The following PRRG1 variants were observed in gnomAD, a reference collection of about 807,000 sequenced individuals.
The protein encoded by PRRG1 is transmembrane gamma-carboxyglutamic acid protein 1.
A neutral mutation model predicts 11.8 loss-of-function variants in PRRG1; 5 were observed. The ratio of observed to expected loss-of-function variants is 0.42; its 90% confidence interval spans 0.22 to 0.89. The LOEUF (loss-of-function observed/expected upper bound fraction) is 0.89, where lower values mean the gene tolerates loss of function less well. PRRG1 is among the 40% of genes least tolerant of loss of function. The probability of loss-of-function intolerance (pLI) is 0.28; values close to 1 mark genes in which losing one functional copy is unlikely to be tolerated. For synonymous variants in PRRG1, 66 were observed against 60.4 expected (o/e 1.09, Z -0.43); for missense variants, 155 against 166.1 (o/e 0.93, Z 0.37).
rs1433682172 is a variant in PRRG1 at position 37,456,647 on chromosome X, C to T, written c.*3026C>T. The T allele has an allele frequency of 9.0e-6, 1 of 111,541 alleles. No individual in the cohort carries two copies. Among genetic ancestry groups the T allele is most frequent in the Non-Finnish European group, 1.9e-5 (1 of 53,045 alleles). 9.2% of individuals were successfully genotyped at this position (111,541 alleles called of 1,213,427 possible). A position where few individuals can be genotyped will look rare whatever the true frequency, so the allele number is the denominator to read the frequency against. ...TTTGGCTTTTATATTTTTTAAAATC[C>T]CTTTTGCTACCCCATCTGGTTTTAT... On this transcript the variant is annotated 3_prime_UTR_variant, in exon 4 of 4. Coordinates refer to ENST00000378628, the MANE Select transcript of PRRG1 (RefSeq NM_001142395.2).
Position 37,453,353 on chromosome X carries a change from C to T in PRRG1, c.389C>T (p.Thr130Ile). Residue 130 changes from threonine to isoleucine, a missense_variant, in exon 4 of 4, where the codon ACC (threonine) becomes ATC (isoleucine). Thr to Ile is a moderately conservative substitution (Grantham distance 89). Coordinates refer to ENST00000378628, the MANE Select transcript of PRRG1 (RefSeq NM_001142395.2). The stretch of plus-strand genomic sequence containing the variant: ...TTCCCTCAGCACCTTAATATTATCA[C>T]CCCACCCCCCCCACCAGATGAAGTG... ...IPFPQHLNII[T>I]PPPPPDEVFD... The T allele has an allele frequency of 8.3e-7, 1 of 1,206,917 alleles. No homozygotes were observed. Among genetic ancestry groups the T allele is most frequent in the Non-Finnish European group, 1.1e-6 (1 of 892,746 alleles).
chrX:37,445,543 A>G (rs1014771488), intron 3 of PRRG1, among the ~76,000 whole-genome samples: 3 of 112,339 alleles, frequency 2.7e-5, no homozygotes, highest in African/African-American at 9.7e-5. Flanking sequence ...AACTTAAACA[A>G]CTTACTCGAT....
At chrX:37,350,229 T>C (rs1412599292) in intron 1 of PRRG1, among the ~76,000 whole-genome samples, 1 of 112,236 alleles carries the variant, frequency 8.9e-6, no homozygotes, top group Non-Finnish European at 1.9e-5. Context: ...CCACTGGTTT[T>C]TGTGATTGTG....
At chrX:37,409,638 C>T (rs1348550192) in intron 2 of PRRG1, among the ~76,000 whole-genome samples, 2 of 112,143 alleles carry the variant, frequency 1.8e-5, no homozygotes, top group African/African-American at 6.5e-5. Flanking sequence ...CTTAGTTTGC[C>T]TGATTACATT....
intron 3 of PRRG1, among the ~76,000 whole-genome samples, chrX:37,436,005 T>C (rs1556391867): frequency 8.9e-6 from 1 of 112,125 alleles, no homozygotes; most frequent in Non-Finnish European, 1.9e-5. Context: ...TTTCTGTAAA[T>C]TTAAAATTAT....
At chrX:37,399,909 ATCAAT>A (rs1569442444) in intron 1 of PRRG1, among the ~76,000 whole-genome samples, 1 of 111,045 alleles carries the variant, frequency 9.0e-6, no homozygotes, top group African/African-American at 3.3e-5. Context: ...TGGTAAAAGG[ATCAAT>A]TCAACAAGAA....
chrX:37,370,976 G>A (rs1217026795), intron 1 of PRRG1, among the ~76,000 whole-genome samples: 6 of 111,385 alleles, frequency 5.4e-5, no homozygotes, highest in Admixed American at 2.8e-4. Flanking sequence ...CATGAACAGC[G>A]GCAGGAGGCA....
intron 1 of PRRG1, among the ~76,000 whole-genome samples, chrX:37,395,853 C>T (rs1414156795): frequency 9.0e-6 from 1 of 111,382 alleles, no homozygotes; most frequent in Non-Finnish European, 1.9e-5. Context: ...AAGAGCCTAA[C>T]ATTTTCCCTA....
chrX:37,434,428 A>G (rs1361772785), intron 3 of PRRG1, among the ~76,000 whole-genome samples: 1 of 112,057 alleles, frequency 8.9e-6, no homozygotes, highest in Non-Finnish European at 1.9e-5. Flanking sequence ...CAGCAGACAT[A>G]TGCACAAAGG....
Position 37,414,190 on chromosome X carries a change from C to T in PRRG1, c.10+7931C>T, listed in dbSNP as rs1932427980. On this transcript the variant is annotated intron_variant, in intron 2 of 3. Coordinates refer to ENST00000378628, the MANE Select transcript of PRRG1 (RefSeq NM_001142395.2). Reference sequence around the variant, plus strand: ...GAGGTGTTTGTTAAGATCTTTGGCCCATTTTTATATGCTTGTTTTCTTACT... The same window carrying T: ...GAGGTGTTTGTTAAGATCTTTGGCCTATTTTTATATGCTTGTTTTCTTACT... Among the ~76,000 whole-genome samples the T allele has an allele frequency of 6.3e-5, 7 of 111,935 alleles. 1 individual carries two copies. In the South Asian group the frequency reaches 2.6e-3, roughly 42 times the overall value.
intron 3 of PRRG1, 60 bp from the exon 4 acceptor site, chrX:37,453,076 C>T: frequency 2.8e-6 from 3 of 1,073,658 alleles, no homozygotes; most frequent in South Asian, 4.7e-5. Context: ...ATTTATTCAT[C>T]TGGTATTTTC....
intron 1 of PRRG1, among the ~76,000 whole-genome samples, chrX:37,367,991 G>T (rs782810638): frequency 8.9e-6 from 1 of 111,790 alleles, no homozygotes; most frequent in Non-Finnish European, 1.9e-5. Flanking sequence ...GAACTTGAGG[G>T]TGGTCCTGGG....
rs558027692 is a variant in PRRG1 at position 37,389,772 on chromosome X, T to C, written c.-41-16437T>C. On this transcript the variant is annotated intron_variant, in intron 1 of 3. Transcript: ENST00000378628. ...TGGGTAGGGACAGAGATCCAAACCA[T>C]ATCACATATTATCAATTTAAAGAGA... Among the ~76,000 whole-genome samples, 101 of 111,424 alleles carry C rather than the reference T, an allele frequency of 9.1e-4. 1 individual carries two copies. The South Asian group carries it at 0.037, about 41-fold the overall frequency.
chrX:37,376,050 T>C (rs1257044064), intron 1 of PRRG1, among the ~76,000 whole-genome samples: 1 of 110,899 alleles, frequency 9.0e-6, no homozygotes, highest in Non-Finnish European at 1.9e-5. Context: ...CTAGGAAGAG[T>C]TGTTGATTTT....
Sources: allele counts gnomAD v4.1 joint callset (sites outside exome capture counted in the v4.1 genomes callset), GRCh38; gene constraint gnomAD v4.1.1; transcripts MANE v1.5; gene names NCBI Gene and HGNC (gene_info 2026-07-23, HGNC 2026-07-21).